The following CLASP2 variants were observed in gnomAD, a reference collection of about 807,000 sequenced individuals.
CLASP2 encodes cytoplasmic linker associated protein 2.
In CLASP2, 47 loss-of-function variants were observed where a neutral mutation model predicts 194.4. The observed-to-expected ratio is 0.24, with a 90% CI of 0.19 to 0.31. CLASP2 has a LOEUF of 0.31. CLASP2 is among the 10% of genes least tolerant of loss of function. The probability of loss-of-function intolerance (pLI) is 1.00; values close to 1 mark genes in which losing one functional copy is unlikely to be tolerated. For missense variants in CLASP2, 1,445 were observed against 1,823.6 expected, an observed-to-expected ratio of 0.79 and a Z score of 3.78; for synonymous variants, 619 against 633.5, an observed-to-expected ratio of 0.98 and a Z score of 0.34.
chr3:33,688,702 G>A (rs150489592), intron 3 of CLASP2, among the ~76,000 whole-genome samples: 1 of 152,234 alleles, frequency 6.6e-6, no homozygotes, highest in East Asian at 1.9e-4. Context: ...TAACAATGCT[G>A]CCATTATAAG....
intron 21 of CLASP2, among the ~76,000 whole-genome samples, chr3:33,590,994 AAC>A (rs373102686): frequency 3.7e-4 from 56 of 150,702 alleles, no homozygotes; most frequent in African/African-American, 1.4e-3. Flanking sequence ...CAGCCTGGGC[AAC>A]ACAGTGGGAA....
chr3:33,555,181 C>T (rs1161868883), intron 29 of CLASP2, among the ~76,000 whole-genome samples: 1 of 151,806 alleles, frequency 6.6e-6, no homozygotes, highest in Non-Finnish European at 1.5e-5. Context: ...ACATTATATG[C>T]CATAAATATA....
chr3:33,658,840 G>T, intron 7 of CLASP2: 1 of 759,778 alleles, frequency 1.3e-6, no homozygotes, highest in Non-Finnish European at 2.1e-6. Flanking sequence ...GTACACACAA[G>T]TGTACACACA....
chr3:33,536,697 G>T (rs2057403959), intron 33 of CLASP2, among the ~76,000 whole-genome samples: 1 of 152,176 alleles, frequency 6.6e-6, no homozygotes, highest in African/African-American at 2.4e-5. Flanking sequence ...AATCAAGGAG[G>T]CCAAATTTTA....
At chr3:33,633,000 C>G (rs1421505177) in intron 8 of CLASP2, among the ~76,000 whole-genome samples, 1 of 152,172 alleles carries the variant, frequency 6.6e-6, no homozygotes, top group African/African-American at 2.4e-5. Flanking sequence ...TTCCTCTCCT[C>G]TTAAACTCTG....
rs59360935 is a variant in CLASP2, at chr3:33,712,636, G to A, written c.195+5172C>T. On this transcript the variant is annotated intron_variant, in intron 1 of 38. Coordinates refer to ENST00000682230, the MANE Select transcript of CLASP2 (RefSeq NM_001365631.1). ...AATGAGGTTCCGAATTTAGAGTTCCGGAATATCATAATCACCAACAGTAAT... is the reference window on the plus strand; with the variant it reads ...AATGAGGTTCCGAATTTAGAGTTCCAGAATATCATAATCACCAACAGTAAT... Among the ~76,000 whole-genome samples, 149 of 152,154 alleles carry A rather than the reference G, an allele frequency of 9.8e-4. No homozygotes were observed. In the East Asian group the frequency reaches 0.026, roughly 27 times the overall value.
At chr3:33,643,465 T>C (rs559246913) in intron 8 of CLASP2, among the ~76,000 whole-genome samples, 1 of 151,930 alleles carries the variant, frequency 6.6e-6, no homozygotes, top group Non-Finnish European at 1.5e-5. Flanking sequence ...TCTAATGGGA[T>C]ATCATAACTA....
At chr3:33,525,644 C>G (rs1179729605) in intron 34 of CLASP2, among the ~76,000 whole-genome samples, 1 of 152,198 alleles carries the variant, frequency 6.6e-6, no homozygotes, top group Non-Finnish European at 1.5e-5. Context: ...AGCCTTCAGT[C>G]TGTCAGAACT....
chr3:33,565,414 G>C lies in CLASP2; in HGVS notation c.2766+1318C>G, dbSNP rs573934198. ...CTGGCTGGTCTCAAACTCCTGACCT[G>C]AGGCGATCTGCCCACCTCAGCCTCC... On this transcript the variant is annotated intron_variant, in intron 27 of 38. Transcript: ENST00000682230. Among the ~76,000 whole-genome samples the C allele has an allele frequency of 3.0e-4, 46 of 151,944 alleles. No homozygotes were observed. In the South Asian group the frequency reaches 9.1e-3, roughly 30 times the overall value.
chr3:33,717,805 T>A lies in CLASP2; in HGVS notation c.195+3A>T. 1.9e-6 allele frequency: 3 copies of A among 1,554,704 alleles called. No homozygotes were observed. Among genetic ancestry groups the A allele is most frequent in the Non-Finnish European group, 2.6e-6 (3 of 1,149,850 alleles). On this transcript the variant is annotated splice_donor_region_variant and intron_variant, in intron 1 of 38. Coordinates refer to ENST00000682230, the MANE Select transcript of CLASP2 (RefSeq NM_001365631.1). ...CCAGCCCAGCCTCGCCGCCGTCGCT[T>A]ACCCGGTAGTTGCTCGAACCCACCC...
intron 7 of CLASP2, among the ~76,000 whole-genome samples, chr3:33,654,025 GA>G (rs1241149733): frequency 1.5e-5 from 2 of 136,184 alleles, no homozygotes; most frequent in African/African-American, 5.8e-5. Context: ...CCTTTGCTCT[GA>G]ACTGTCAAAA....
chr3:33,581,235 T>C (rs1376094796), intron 23 of CLASP2, among the ~76,000 whole-genome samples: 1 of 152,140 alleles, frequency 6.6e-6, no homozygotes, highest in African/African-American at 2.4e-5. Flanking sequence ...TTGAGGTAAA[T>C]ATAGTATTAC....
chr3:33,672,906 G>T (rs374616255), intron 6 of CLASP2, among the ~76,000 whole-genome samples: 4 of 152,172 alleles, frequency 2.6e-5, no homozygotes, highest in East Asian at 3.8e-4. Context: ...AGAATAAAAA[G>T]AAATGAACAA....
chr3:33,653,019 T>G (rs2083474667), intron 7 of CLASP2, among the ~76,000 whole-genome samples: 1 of 152,196 alleles, frequency 6.6e-6, no homozygotes, highest in African/African-American at 2.4e-5. Context: ...ATTTTTGACT[T>G]CTTTCCAAAC....
chr3:33,604,261 G>T, intron 16 of CLASP2, 52 bp from the exon 17 acceptor site: 1 of 1,141,246 alleles, frequency 8.8e-7, no homozygotes, highest in Non-Finnish European at 1.3e-6. Flanking sequence ...ACACTCCTCT[G>T]ATAAAAACCA....
At chr3:33,648,386 G>C (rs1206489295) in intron 7 of CLASP2, among the ~76,000 whole-genome samples, 2 of 151,694 alleles carry the variant, frequency 1.3e-5, no homozygotes, top group African/African-American at 4.8e-5. Flanking sequence ...AGCATTACTG[G>C]AGATAAAGAG....
intron 7 of CLASP2, among the ~76,000 whole-genome samples, chr3:33,647,537 C>T (rs1276130889): frequency 6.6e-6 from 1 of 152,194 alleles, no homozygotes; most frequent in Non-Finnish European, 1.5e-5. Context: ...ATATTTTAGG[C>T]TTTGTAAACC....
At chr3:33,534,006 C>T (rs1462999103) in intron 34 of CLASP2, among the ~76,000 whole-genome samples, 4 of 152,066 alleles carry the variant, frequency 2.6e-5, no homozygotes, top group Admixed American at 6.6e-5. Flanking sequence ...TGAGCCACTG[C>T]GCCTGGCCAC....
In CLASP2 at chr3:33,563,846, T is replaced by C. The variant is rs1220444668; in HGVS notation, c.2767-2875A>G. 8 of 454,850 alleles carry C rather than the reference T, an allele frequency of 1.8e-5. No individual in the cohort carries two copies. The Admixed American group carries it at 1.9e-4, about 11-fold the overall frequency. The allele number at this position is 454,850 out of a possible 1,614,324, so 28.2% of individuals were successfully genotyped here. On this transcript the variant is annotated intron_variant, in intron 27 of 38. Coordinates refer to ENST00000682230, the MANE Select transcript of CLASP2 (RefSeq NM_001365631.1). The stretch of plus-strand genomic sequence containing the variant: ...TAAAATACCTGGACAAGTTTCTAAC[T>C]CCAAACTGATCTTGGGCTATCTGGA...
Sources: gnomAD v4.1 joint callset for allele counts (sites outside exome capture counted in the v4.1 genomes callset) on GRCh38, gnomAD v4.1.1 for gene constraint, MANE v1.5 for transcripts, NCBI Gene and HGNC (gene_info 2026-07-23, HGNC 2026-07-21) for gene names.